Variants in QTGAL observed in about 807,000 individuals in gnomAD.
The protein encoded by QTGAL is queuosine-tRNA galactosyltransferase.
the QTGAL span, chr17:82,961,256 G>A: frequency 6.5e-7 from 1 of 1,531,218 alleles, no homozygotes. Flanking sequence ...CACTACACCT[G>A]CGCTCAGCCG....
the QTGAL span, among the ~76,000 whole-genome samples, chr17:82,986,660 G>A: frequency 1.3e-5 from 2 of 152,240 alleles, no homozygotes; most frequent in Admixed American, 6.5e-5. Context: ...CCTGATCACT[G>A]TGAACTCACT....
chr17:82,971,569 C>T, the QTGAL span, among the ~76,000 whole-genome samples: 1 of 129,010 alleles, frequency 7.8e-6, no homozygotes, highest in Admixed American at 8.1e-5. Flanking sequence ...CTGTGCCAAC[C>T]ACACCACACT....
chr17:83,014,354 T>C, the QTGAL span: 7 of 1,313,668 alleles, frequency 5.3e-6, no homozygotes, highest in East Asian at 1.5e-4. Flanking sequence ...AGTCTCACCA[T>C]AGCCTGATTC....
At chr17:83,005,627 C>G in the QTGAL span, 6 of 702,814 alleles carry the variant, frequency 8.5e-6, no homozygotes, top group East Asian at 1.6e-4. This position sits in a 1 kb window ranked among gnomAD's most constrained non-coding sequence, Gnocchi z 5.6. Flanking sequence ...TGTCCGCAGG[C>G]CGCCCGTCTG....
chr17:82,943,836 T>TCTC, the QTGAL span: 1 of 152,232 alleles, frequency 6.6e-6, no homozygotes, highest in African/African-American at 2.4e-5. Context: ...GTAATAGGGG[T>TCTC]CTCCTCCTCC....
the QTGAL span, among the ~76,000 whole-genome samples, chr17:83,036,640 C>A: frequency 6.6e-6 from 1 of 152,152 alleles, no homozygotes; most frequent in East Asian, 1.9e-4. Flanking sequence ...CCTAAAGGGT[C>A]CCTGTTAGGG....
chr17:82,967,509 A>T, the QTGAL span, among the ~76,000 whole-genome samples: 4 of 152,074 alleles, frequency 2.6e-5, no homozygotes, highest in Admixed American at 2.0e-4. Context: ...GTCCCCAGGA[A>T]CATTTGTTTG....
the QTGAL span, among the ~76,000 whole-genome samples, chr17:83,011,200 G>A: frequency 3.9e-5 from 6 of 152,244 alleles, no homozygotes; most frequent in Non-Finnish European, 8.8e-5. Context: ...GCGAGAGGAG[G>A]AGGAAGGACG....
At chr17:82,999,824 T>G in the QTGAL span, among the ~76,000 whole-genome samples, 2 of 152,208 alleles carry the variant, frequency 1.3e-5, no homozygotes, top group African/African-American at 4.8e-5. Context: ...CTCTGCTTTT[T>G]GGGAGCACCT....
the QTGAL span, among the ~76,000 whole-genome samples, chr17:82,986,114 GGACCCTC>G: frequency 6.6e-6 from 1 of 152,214 alleles, no homozygotes; most frequent in Admixed American, 6.5e-5. Flanking sequence ...TCAACGTGGG[GGACCCTC>G]TCCGCTTCCC....
At chr17:83,044,187 G>C in the QTGAL span, among the ~76,000 whole-genome samples, 1 of 152,230 alleles carries the variant, frequency 6.6e-6, no homozygotes, top group East Asian at 1.9e-4. Context: ...ATATGAATAG[G>C]AACCTACAGG....
chr17:82,960,759 G>A, the QTGAL span, among the ~76,000 whole-genome samples: 4 of 152,246 alleles, frequency 2.6e-5, no homozygotes, highest in South Asian at 6.2e-4. Flanking sequence ...GGGTTAAAGG[G>A]AGCACAGGGT....
chr17:83,026,764 A>G, the QTGAL span, among the ~76,000 whole-genome samples: 1 of 128,046 alleles, frequency 7.8e-6, no homozygotes, highest in Non-Finnish European at 1.7e-5. Flanking sequence ...ACAGACACAC[A>G]GAGGAGGGCG....
chr17:83,048,812 A>G, the QTGAL span: 15 of 1,587,224 alleles, frequency 9.5e-6, no homozygotes, highest in African/African-American at 1.6e-4. Flanking sequence ...ATGGATTAAC[A>G]GAAGTGTGAA....
chr17:82,960,912 C>T, the QTGAL span: 2 of 1,280,226 alleles, frequency 1.6e-6, no homozygotes, highest in African/African-American at 1.5e-5. Context: ...TGTGCTGTTG[C>T]CCCGTGTCCC....
At chr17:82,970,133 T>A in the QTGAL span, among the ~76,000 whole-genome samples, 1 of 152,218 alleles carries the variant, frequency 6.6e-6, no homozygotes, top group Non-Finnish European at 1.5e-5. Flanking sequence ...GGTGGGTGCC[T>A]GTCACACAGG....
At chr17:83,048,319 C>A in the QTGAL span, 1 of 702,124 alleles carries the variant, frequency 1.4e-6, no homozygotes, top group Non-Finnish European at 2.4e-6. Context: ...TGAGCCACCA[C>A]ACCTGGCCTC....
At chr17:83,029,507 A>G in the QTGAL span, among the ~76,000 whole-genome samples, 1 of 152,164 alleles carries the variant, frequency 6.6e-6, no homozygotes, top group Non-Finnish European at 1.5e-5. Context: ...GAGACGTGAG[A>G]AGACCGAGCT....
chr17:82,995,401 G>C, the QTGAL span, among the ~76,000 whole-genome samples: 5 of 90,250 alleles, frequency 5.5e-5, no homozygotes, highest in Non-Finnish European at 1.2e-4. Flanking sequence ...TTTTTTTTTT[G>C]AGATGGAGTC....
Sources: gnomAD v4.1 joint callset for allele counts (sites outside exome capture counted in the v4.1 genomes callset) on GRCh38, gnomAD v4.1.1 for gene constraint, Gnocchi (gnomAD v3.1) non-coding constraint, MANE v1.5 for transcripts, NCBI Gene and HGNC (gene_info 2026-07-23, HGNC 2026-07-21) for gene names.